TRPM8: variants seen among roughly 807,000 people sequenced by gnomAD.
TRPM8 encodes TRPM8 cationic channel.
A neutral mutation model predicts 133.7 loss-of-function variants in TRPM8; 110 were observed. The ratio of observed to expected loss-of-function variants is 0.82; its 90% CI spans 0.70 to 0.96. TRPM8 has a LOEUF of 0.96. TRPM8 is among the 40% of genes least tolerant of loss of function. The pLI is 0.00. For synonymous variants in TRPM8, 535 were observed against 532.3 expected (o/e 1.01, Z -0.07); for missense variants, 1,291 against 1,379.5 (o/e 0.94, Z 1.02).
Position 233,947,504 on chromosome 2 carries a change from T to C in TRPM8, c.942+349T>C, listed in dbSNP as rs961939299. On this transcript the variant is annotated intron_variant, in intron 8 of 25. Coordinates refer to ENST00000324695, the MANE Select transcript of TRPM8 (RefSeq NM_024080.5). ...CTATCTGCATTGAGATGAGCTGTGATCATACACACACAGATTGCCCCCAAA... is the reference window on the plus strand; with the variant it reads ...CTATCTGCATTGAGATGAGCTGTGACCATACACACACAGATTGCCCCCAAA... 31 of 1,314,700 alleles carry C rather than the reference T, an allele frequency of 2.4e-5. No individual in the cohort carries two copies. In the African/African-American group the frequency reaches 4.5e-4, roughly 19 times the overall value. The allele number at this position is 1,314,700 out of a possible 1,614,324, so 81.4% of individuals were successfully genotyped here. A position where few individuals can be genotyped will look rare whatever the true frequency, so the allele number is the denominator to read the frequency against.
At chr2:233,994,998 A>ATT (rs1443568413) in intron 21 of TRPM8, among the ~76,000 whole-genome samples, 1 of 152,242 alleles carries the variant, frequency 6.6e-6, no homozygotes, top group African/African-American at 2.4e-5. Context: ...TCCTTTTGAA[A>ATT]TGAAGCATAT....
intron 24 of TRPM8, among the ~76,000 whole-genome samples, chr2:234,010,767 T>C (rs762763589): frequency 1.3e-5 from 2 of 152,246 alleles, no homozygotes; most frequent in Non-Finnish European, 2.9e-5. Context: ...GTTTGACATT[T>C]GAATTTTTTC....
intron 22 of TRPM8, among the ~76,000 whole-genome samples, chr2:234,001,256 G>A (rs1692556294): frequency 6.6e-6 from 1 of 152,268 alleles, no homozygotes; most frequent in African/African-American, 2.4e-5. Context: ...GGGGAGAGGG[G>A]CAGGAAAAGT....
chr2:233,994,557 C>G (rs1047028240), intron 21 of TRPM8, among the ~76,000 whole-genome samples: 3 of 152,200 alleles, frequency 2.0e-5, no homozygotes, highest in African/African-American at 7.2e-5. Context: ...CTGCCTTACA[C>G]GGGATCCAGG....
intron 21 of TRPM8, 119 bp downstream of exon 21, chr2:233,985,984 T>TG (rs1261523169): frequency 1.0e-6 from 1 of 962,664 alleles, no homozygotes; most frequent in African/African-American, 1.6e-5. Flanking sequence ...AGAGATCTTT[T>TG]GGGGGATTGG....
rs1691028942 is a variant in TRPM8, at chr2:233,945,862, T to G, written c.706T>G (p.Phe236Val). ...LIRNCDAEGY[F>V]LAQYLMDDFT... ...GTTTCCCTGTACTTTTCAGGGCTAT[T>G]TTTTAGCCCAGTACCTTATGGATGA... The change falls in exon 7 of 26, where the codon TTT becomes GTT. Residue 236 changes from phenylalanine (F) to valine (V), a missense_variant. By Grantham distance (50) the Phe-to-Val change is conservative (BLOSUM62 -1). This residue lies in a region of TRPM8 where 963 missense variants were observed against 968.9 expected (regional missense o/e 0.99). Coordinates refer to ENST00000324695, the MANE Select transcript of TRPM8 (RefSeq NM_024080.5). 1.2e-6 allele frequency: 2 copies of G among 1,610,316 alleles called. No homozygotes were observed. Among genetic ancestry groups the G allele is most frequent in the African/African-American group, 1.3e-5 (1 of 75,000 alleles).
intron 14 of TRPM8, among the ~76,000 whole-genome samples, chr2:233,965,277 C>T (rs1311513414): frequency 1.3e-5 from 2 of 152,140 alleles, no homozygotes; most frequent in Admixed American, 6.6e-5. Context: ...AGGGGTAACT[C>T]GAATAACAGT....
intron 1 of TRPM8, 87 bp from the exon 2 acceptor site, chr2:233,926,446 G>A (rs1336695709): frequency 2.3e-5 from 22 of 969,344 alleles, no homozygotes; most frequent in Non-Finnish European, 3.5e-5. Context: ...GGAGAGGGTG[G>A]AGGGAAAACG....
chr2:233,926,639 G>A lies in TRPM8; in HGVS notation c.102G>A (p.Leu34=). ...CCAGCGCGTCTCGGAGCACAGACTT[G>A]TCTTACAGTGAAAGCGTAAGTCATG... ...LYSSASRSTD[L]SYSESDLVNF... is the part of the protein sequence containing the mutation. Residue 34 remains leucine, a synonymous_variant, in exon 2 of 26, where the codon TTG becomes TTA. Transcript: ENST00000324695. The A allele has an allele frequency of 1.9e-6, 3 of 1,613,840 alleles. No homozygotes were observed. The highest frequency in any genetic ancestry group is 1.7e-4 in the Middle Eastern group (1 of 6,060).
intron 17 of TRPM8, among the ~76,000 whole-genome samples, chr2:233,971,773 G>A (rs1021822993): frequency 6.6e-6 from 1 of 152,100 alleles, no homozygotes; most frequent in Non-Finnish European, 1.5e-5. Context: ...AAGCAGTGTG[G>A]ACCCAGAATG....
In TRPM8 at chr2:233,938,856, C is replaced by G. The variant is rs568620307; in HGVS notation, c.349-142C>G. On this transcript the variant is annotated intron_variant, in intron 4 of 25. Coordinates refer to ENST00000324695, the MANE Select transcript of TRPM8 (RefSeq NM_024080.5). ...TGGCACGGCGCCCGCCTGGGACCCC[C>G]AATGCCGCGATCCCTGCTGCCCCCA... 9.3e-6 allele frequency: 8 copies of G among 858,410 alleles called. No individual in the cohort carries two copies. The African/African-American group carries it at 1.2e-4, about 13-fold the overall frequency. 53.2% of individuals were successfully genotyped at this position (858,410 alleles called of 1,614,324 possible). A position where few individuals can be genotyped will look rare whatever the true frequency, so the allele number is the denominator to read the frequency against.
intron 22 of TRPM8, among the ~76,000 whole-genome samples, chr2:233,999,682 G>A (rs1030409310): frequency 7.9e-5 from 12 of 152,336 alleles, no homozygotes; most frequent in South Asian, 2.1e-4. Context: ...AATGCGTGGC[G>A]CCCTTGGAGC....
chr2:233,972,819 C>T (rs562412236), intron 17 of TRPM8, among the ~76,000 whole-genome samples: 90 of 152,312 alleles, frequency 5.9e-4, no homozygotes, highest in Non-Finnish European at 1.1e-3. Context: ...GCAAGCTCCA[C>T]ACGCAGCCCC....
Position 234,018,082 on chromosome 2 carries a change from A to G in TRPM8, c.*826A>G, listed in dbSNP as rs1693000445. 6.6e-6 allele frequency: 1 copy of G among 152,252 alleles called. No individual in the cohort carries two copies. Among genetic ancestry groups the G allele is most frequent in the Admixed American group, 6.5e-5 (1 of 15,284 alleles). The allele number at this position is 152,252 out of a possible 1,614,324, so 9.4% of individuals were successfully genotyped here. A position where few individuals can be genotyped will look rare whatever the true frequency, so the allele number is the denominator to read the frequency against. ...TAAATTGTCCCCATTACCTTAAGGTAATCACTGCTAACAATTTCTGGATGG... is the reference window on the plus strand; with the variant it reads ...TAAATTGTCCCCATTACCTTAAGGTGATCACTGCTAACAATTTCTGGATGG... On this transcript the variant is annotated 3_prime_UTR_variant, in exon 26 of 26. Transcript: ENST00000324695.
chr2:233,938,162 T>C (rs540915116), intron 4 of TRPM8, among the ~76,000 whole-genome samples: 1 of 152,360 alleles, frequency 6.6e-6, no homozygotes, highest in South Asian at 2.1e-4. Context: ...CCCGCAGCTC[T>C]GCCCACCTCC....
chr2:233,991,085 G>C (rs1411712020), intron 21 of TRPM8, among the ~76,000 whole-genome samples: 1 of 152,104 alleles, frequency 6.6e-6, no homozygotes, highest in Admixed American at 6.5e-5. Context: ...AGTGTTGGTA[G>C]GAGAGGTAGA....
chr2:233,983,311 C>G (rs759759745), intron 20 of TRPM8, 87 bp downstream of exon 20: 5 of 1,487,716 alleles, frequency 3.4e-6, no homozygotes, highest in Non-Finnish European at 4.7e-6. Context: ...GGAGACCGCA[C>G]TTCAGAAGCA....
Position 233,937,446 on chromosome 2 carries a change from C to T in TRPM8, c.285C>T (p.Thr95=). 1.2e-6 allele frequency: 2 copies of T among 1,614,102 alleles called. No individual in the cohort carries two copies. Among genetic ancestry groups the T allele is most frequent in the Non-Finnish European group, 8.5e-7 (1 of 1,180,004 alleles). ...QSEKWNYKKH[T]KEFPTDAFGD... The stretch of plus-strand genomic sequence containing the variant: ...AGAAATGGAACTACAAGAAACACAC[C>T]AAGGAATTTCCTACCGACGCCTTTG... Residue 95 remains threonine (T), a synonymous_variant, in exon 4 of 26, where the codon ACC becomes ACT. Coordinates refer to ENST00000324695, the MANE Select transcript of TRPM8 (RefSeq NM_024080.5).
intron 19 of TRPM8, 132 bp from the exon 20 acceptor site, chr2:233,982,921 T>C (rs2125288474): frequency 1.1e-6 from 1 of 933,366 alleles, no homozygotes; most frequent in South Asian, 1.7e-5. Flanking sequence ...GTCAGTGAAC[T>C]CTGGGTGACT....
Sources: allele counts gnomAD v4.1 joint callset (sites outside exome capture counted in the v4.1 genomes callset), GRCh38; gene constraint gnomAD v4.1.1; regional missense constraint gnomAD v4.1.1; transcripts MANE v1.5; gene names NCBI Gene and HGNC (gene_info 2026-07-23, HGNC 2026-07-21).